RP1: variants seen among roughly 807,000 people sequenced by gnomAD.
The protein encoded by RP1 is RP1 axonemal microtubule associated.
A neutral mutation model predicts 14.8 loss-of-function variants in RP1; 16 were observed. The observed-to-expected ratio is 1.08, with a 90% CI of 0.73 to 1.65. RP1 has a LOEUF of 1.65. RP1 is among the 40% of genes most tolerant of loss of function. The pLI is 0.00. For synonymous variants in RP1, 876 were observed against 883.6 expected, an observed-to-expected ratio of 0.99 and a Z score of 0.15; for missense variants, 2,631 against 2,535.0, an observed-to-expected ratio of 1.04 and a Z score of -0.81.
intron 24 of RP1, among the ~76,000 whole-genome samples, chr8:54,784,818 A>T (rs1017309195): frequency 6.6e-6 from 1 of 152,094 alleles, no homozygotes; most frequent in Non-Finnish European, 1.5e-5. Context: ...ATAACTGTGG[A>T]TCTATGGAAG....
chr8:54,692,737 G>T (rs1807745455), intron 12 of RP1, among the ~76,000 whole-genome samples: 1 of 149,280 alleles, frequency 6.7e-6, no homozygotes, highest in Non-Finnish European at 1.5e-5. Context: ...AGATGAGTAG[G>T]TTGCGAAAAT....
At chr8:54,710,140 C>T (rs916589518) in intron 15 of RP1, among the ~76,000 whole-genome samples, 1 of 152,206 alleles carries the variant, frequency 6.6e-6, no homozygotes, top group African/African-American at 2.4e-5. Flanking sequence ...TAGACGATGG[C>T]TATTCATCAT....
rs951562807 is a variant in RP1, at chr8:54,716,691, C to T, written c.2212-3438C>T. Reference sequence around the variant, plus strand: ...CAGTCCTCTCAATAATTGAGTCTGCCATTAAGGCATGGGATAACTTCTAGA... The same window carrying T: ...CAGTCCTCTCAATAATTGAGTCTGCTATTAAGGCATGGGATAACTTCTAGA... On this transcript the variant is annotated intron_variant, in intron 15 of 22. Transcript: ENST00000636932. Among the ~76,000 whole-genome samples the T allele has an allele frequency of 3.3e-4, 50 of 152,122 alleles. 1 individual carries two copies.
At chr8:54,803,581 G>T (rs1402293700) in intron 24 of RP1, among the ~76,000 whole-genome samples, 1 of 152,056 alleles carries the variant, frequency 6.6e-6, no homozygotes, top group Admixed American at 6.6e-5. Context: ...CCTTAAAAGA[G>T]TTGCTTATTG....
At chr8:54,569,859 C>T (rs371022237) in intron 1 of RP1, among the ~76,000 whole-genome samples, 92 of 152,328 alleles carry the variant, frequency 6.0e-4, no homozygotes, top group Non-Finnish European at 1.1e-3. Flanking sequence ...GAAGCCCAGT[C>T]ATAGGAGCAG....
At chr8:54,782,121 T>A (rs1810203209) in intron 23 of RP1, among the ~76,000 whole-genome samples, 1 of 152,198 alleles carries the variant, frequency 6.6e-6, no homozygotes. Context: ...TCTGTAAGAA[T>A]TAAGTTATGA....
chr8:54,646,753 C>A (rs1323762425), intron 3 of RP1, among the ~76,000 whole-genome samples: 1 of 152,132 alleles, frequency 6.6e-6, no homozygotes, highest in Non-Finnish European at 1.5e-5. Context: ...GCCTTTCCAT[C>A]CTAGTTGTTG....
In RP1 at chr8:54,629,655, A is replaced by AT. The variant is rs745552747; in HGVS notation, c.5774dup (p.Gln1926ProfsTer5). ...ACATTGCCCAATACTAACTGTTATT[A>AT]TCCAACCCATGAATGAGGAAGACCG... On this transcript the variant is annotated frameshift_variant, in exon 4 of 4. Coordinates refer to ENST00000220676, the MANE Select transcript of RP1 (RefSeq NM_006269.2). LOFTEE classifies it low-confidence loss of function (END_TRUNC). The AT allele has an allele frequency of 8.7e-6, 14 of 1,613,892 alleles. No individual in the cohort carries two copies. In the African/African-American group the frequency reaches 1.9e-4, roughly 22 times the overall value.
chr8:54,607,798 G>T (rs917203020), intron 1 of RP1, among the ~76,000 whole-genome samples: 2 of 152,190 alleles, frequency 1.3e-5, no homozygotes, highest in Non-Finnish European at 2.9e-5. Context: ...TCAGACTGCT[G>T]TGCTAGCAAT....
At chr8:54,815,558 C>A (rs1263539694) in intron 24 of RP1, among the ~76,000 whole-genome samples, 1 of 152,194 alleles carries the variant, frequency 6.6e-6, no homozygotes, top group Non-Finnish European at 1.5e-5. Context: ...CAAACGAAGT[C>A]TGGAATTTTC....
At position 54,599,644 on chromosome 8, in the gene RP1, G is replaced by A. The variant is rs969713562; in HGVS notation, c.-12-21311G>A. The stretch of plus-strand genomic sequence containing the variant: ...AATTTTTGTATTTTTTGGTAGAGGC[G>A]ATGTTTCATCATGTTGGCCAGGCTG... On this transcript the variant is annotated intron_variant, in intron 1 of 22. Transcript: ENST00000636932. 7.2e-5 allele frequency among the ~76,000 whole-genome samples: 11 copies of A among 152,098 alleles called. No individual in the cohort carries two copies. In the East Asian group the frequency reaches 1.5e-3, roughly 21 times the overall value.
intron 1 of RP1, among the ~76,000 whole-genome samples, chr8:54,610,174 C>T (rs1158031449): frequency 6.6e-6 from 1 of 152,186 alleles, no homozygotes; most frequent in East Asian, 1.9e-4. Flanking sequence ...CAGCACTCCT[C>T]TTACTTGATG....
At chr8:54,647,402 G>A (rs915017570) in intron 3 of RP1, among the ~76,000 whole-genome samples, 2 of 151,908 alleles carry the variant, frequency 1.3e-5, no homozygotes. Flanking sequence ...TGACACCAGC[G>A]AGACTCCCTC....
At chr8:54,709,542 T>C (rs1401823935) in intron 15 of RP1, among the ~76,000 whole-genome samples, 5 of 152,212 alleles carry the variant, frequency 3.3e-5, no homozygotes, top group African/African-American at 9.6e-5. Flanking sequence ...GCATTTATTC[T>C]GTTTGCTTTG....
At chr8:54,650,630 TCCTTTCCCTTTCTCTTC>T (rs1255035814) in intron 4 of RP1, among the ~76,000 whole-genome samples, 1 of 151,492 alleles carries the variant, frequency 6.6e-6, no homozygotes, top group African/African-American at 2.4e-5. Flanking sequence ...TGTCTTCCCT[TCCTTTCCCTTTCTCTTC>T]CCTTTCCCTT....
chr8:54,774,191 C>T (rs1273147689), downstream of RP1, among the ~76,000 whole-genome samples: 2 of 152,046 alleles, frequency 1.3e-5, no homozygotes, highest in Non-Finnish European at 2.9e-5. Flanking sequence ...AACAGCCTAC[C>T]CTTTGTGTTG....
chr8:54,741,705 G>GTA lies in RP1; in HGVS notation c.2808+2677_2808+2678insAT, dbSNP rs1473570105. Among the ~76,000 whole-genome samples the GTA allele has an allele frequency of 7.6e-3, 576 of 75,650 alleles. 4 individuals carry two copies. Among genetic ancestry groups the GTA allele is most frequent in the African/African-American group, 0.029 (480 of 16,736 alleles). 49.6% of individuals were successfully genotyped at this position (75,650 alleles called of 152,430 possible). A position where few individuals can be genotyped will look rare whatever the true frequency, so the allele number is the denominator to read the frequency against. On this transcript the variant is annotated intron_variant, in intron 19 of 22. Coordinates refer to the RP1 transcript ENST00000636932. The stretch of plus-strand genomic sequence containing the variant: ...TATGTACATATAAATACAAATGTGT[G>GTA]TGTATATATATATATATATATATAT...
intron 11 of RP1, chr8:54,679,724 T>C: frequency 6.6e-7 from 1 of 1,518,418 alleles, no homozygotes; most frequent in Non-Finnish European, 8.8e-7. Context: ...GTTTAGTAAG[T>C]GCTGTTTCTT....
At chr8:54,732,178 T>G (rs1808809863) in intron 17 of RP1, among the ~76,000 whole-genome samples, 1 of 152,202 alleles carries the variant, frequency 6.6e-6, no homozygotes, top group Non-Finnish European at 1.5e-5. Flanking sequence ...CTGTCCCCTC[T>G]GTTTAGAATG....
Sources: gnomAD v4.1 joint callset for allele counts (sites outside exome capture counted in the v4.1 genomes callset) on GRCh38, gnomAD v4.1.1 for gene constraint, MANE v1.5 for transcripts, NCBI Gene and HGNC (gene_info 2026-07-23, HGNC 2026-07-21) for gene names.